Variants in ANKRD44 observed in about 807,000 individuals in gnomAD.
ANKRD44 encodes ankyrin repeat domain 44.
A neutral mutation model predicts 116.0 loss-of-function variants in ANKRD44; 35 were observed. The observed-to-expected ratio is 0.30, with a 90% CI of 0.23 to 0.40. ANKRD44 has a LOEUF of 0.40. Ranked by LOEUF, ANKRD44 falls within the 10% of genes least tolerant of loss-of-function variation. ANKRD44 has a pLI of 1.00. For missense variants in ANKRD44, 1,014 were observed against 1,242.6 expected, an observed-to-expected ratio of 0.82 and a Z score of 2.77; for synonymous variants, 435 against 461.8, an observed-to-expected ratio of 0.94 and a Z score of 0.74.
At chr2:197,092,267 C>A (rs562041392) in intron 10 of ANKRD44, among the ~76,000 whole-genome samples, 1 of 152,328 alleles carries the variant, frequency 6.6e-6, no homozygotes, top group East Asian at 1.9e-4. Context: ...TCTGTTTACA[C>A]CCTACAGCAT....
At chr2:197,238,674 G>T (rs1478842931) in intron 1 of ANKRD44, among the ~76,000 whole-genome samples, 2 of 151,908 alleles carry the variant, frequency 1.3e-5, no homozygotes, top group Non-Finnish European at 2.9e-5. Context: ...GTGCTCGATG[G>T]TGATAAGGAC....
At chr2:197,196,851 C>T (rs1033988497) in intron 1 of ANKRD44, among the ~76,000 whole-genome samples, 7 of 152,158 alleles carry the variant, frequency 4.6e-5, no homozygotes, top group African/African-American at 1.7e-4. Context: ...TCTTTGAATT[C>T]CACGTGCATT....
chr2:197,205,766 T>C (rs966792317), intron 1 of ANKRD44, among the ~76,000 whole-genome samples: 3 of 151,778 alleles, frequency 2.0e-5, no homozygotes, highest in African/African-American at 7.3e-5. Flanking sequence ...AGCAACAGGG[T>C]CATATGGGAG....
At chr2:197,189,251 C>T (rs1337454756) in intron 1 of ANKRD44, among the ~76,000 whole-genome samples, 1 of 152,188 alleles carries the variant, frequency 6.6e-6, no homozygotes, top group African/African-American at 2.4e-5. Flanking sequence ...TGGGTTTCTC[C>T]TCTGCCATAA....
At chr2:197,270,010 C>T (rs538683342) in intron 1 of ANKRD44, among the ~76,000 whole-genome samples, 1 of 152,318 alleles carries the variant, frequency 6.6e-6, no homozygotes, top group Non-Finnish European at 1.5e-5. Flanking sequence ...GTCCCACACA[C>T]TGCAGGACAT....
chr2:197,252,492 C>T (rs1559187842), intron 1 of ANKRD44, among the ~76,000 whole-genome samples: 2 of 152,212 alleles, frequency 1.3e-5, no homozygotes. Flanking sequence ...CTGCAAGCTC[C>T]GCCTCCCGGG....
At chr2:197,216,129 C>T (rs953652222) in intron 1 of ANKRD44, among the ~76,000 whole-genome samples, 1 of 152,174 alleles carries the variant, frequency 6.6e-6, no homozygotes, top group African/African-American at 2.4e-5. Flanking sequence ...CTTCTGGAGG[C>T]TTGTGAGGAT....
intron 17 of ANKRD44, among the ~76,000 whole-genome samples, chr2:197,018,090 T>A (rs1398311547): frequency 6.6e-6 from 1 of 152,194 alleles, no homozygotes; most frequent in Non-Finnish European, 1.5e-5. Flanking sequence ...TCTGTCTTCT[T>A]CTCACCGCAT....
In ANKRD44 at chr2:197,084,602, C is replaced by A. The variant is rs534102973; in HGVS notation, c.1317-1093G>T. Reference sequence around the variant, plus strand: ...ATGTGCAAGCTGGCCTAAATCACATCCCCTCTCTGGGTCTTGACTTCTTCA... The same window carrying A: ...ATGTGCAAGCTGGCCTAAATCACATACCCTCTCTGGGTCTTGACTTCTTCA... On this transcript the variant is annotated intron_variant, in intron 13 of 27. Coordinates refer to ENST00000282272, the MANE Select transcript of ANKRD44 (RefSeq NM_001195144.2). Among the ~76,000 whole-genome samples the A allele has an allele frequency of 3.7e-4, 56 of 152,252 alleles. No homozygotes were observed. In the South Asian group the frequency reaches 0.011, roughly 29 times the overall value.
intron 2 of ANKRD44, among the ~76,000 whole-genome samples, chr2:197,159,214 A>G (rs1339908540): frequency 6.6e-6 from 1 of 152,182 alleles, no homozygotes; most frequent in Non-Finnish European, 1.5e-5. Context: ...TTTAACAGAA[A>G]TGATTAGTAG....
At chr2:197,127,529 A>G (rs564777033) in intron 4 of ANKRD44, among the ~76,000 whole-genome samples, 2 of 152,252 alleles carry the variant, frequency 1.3e-5, no homozygotes, top group South Asian at 4.1e-4. Flanking sequence ...CTCCTGTATC[A>G]CATATTGGCT....
intron 2 of ANKRD44, among the ~76,000 whole-genome samples, chr2:197,161,530 C>T (rs1424401776): frequency 6.6e-6 from 1 of 152,038 alleles, no homozygotes; most frequent in Admixed American, 6.5e-5. Context: ...AGAGTCTTCT[C>T]CTACAAAAAT....
chr2:197,263,068 C>A, intron 1 of ANKRD44: 2 of 417,296 alleles, frequency 4.8e-6, no homozygotes, highest in Admixed American at 3.4e-5. Flanking sequence ...GTCTTCCCTG[C>A]ACTGGGCCCA....
chr2:197,288,720 A>T (rs1264034711), intron 1 of ANKRD44, among the ~76,000 whole-genome samples: 1 of 152,206 alleles, frequency 6.6e-6, no homozygotes, highest in Non-Finnish European at 1.5e-5. Context: ...TTCAGCCGTA[A>T]AAAACAATGA....
At chr2:197,255,375 G>C (rs1055312900) in intron 1 of ANKRD44, among the ~76,000 whole-genome samples, 4 of 152,166 alleles carry the variant, frequency 2.6e-5, no homozygotes, top group African/African-American at 9.7e-5. Context: ...ACAAAAAAAG[G>C]CAGGCACAAT....
chr2:197,172,317 A>G (rs1282956929), intron 2 of ANKRD44, among the ~76,000 whole-genome samples: 1 of 151,832 alleles, frequency 6.6e-6, no homozygotes, highest in Admixed American at 6.6e-5. Context: ...ATTATTCTTA[A>G]TAGCTTGAAG....
rs13384811 is a variant in ANKRD44 at position 197,273,998 on chromosome 2, T to G, written c.27+36580A>C. The stretch of plus-strand genomic sequence containing the variant: ...AAAAAAAAATATATATATATATATA[T>G]ATATATATATATATATATATATATA... On this transcript the variant is annotated intron_variant, in intron 1 of 27. Coordinates refer to ENST00000282272, the MANE Select transcript of ANKRD44 (RefSeq NM_001195144.2). 1.6e-4 allele frequency among the ~76,000 whole-genome samples: 4 copies of G among 24,278 alleles called. No individual in the cohort carries two copies. In the South Asian group the frequency reaches 4.9e-3, roughly 30 times the overall value. 15.9% of individuals were successfully genotyped at this position (24,278 alleles called of 152,430 possible).
chr2:197,039,256 C>T (rs2076863281), intron 16 of ANKRD44, among the ~76,000 whole-genome samples: 1 of 152,272 alleles, frequency 6.6e-6, no homozygotes, highest in South Asian at 2.1e-4. Flanking sequence ...GGAAAAGGTG[C>T]CAGAGAAAAT....
chr2:197,255,254 T>C (rs1203070166), intron 1 of ANKRD44, among the ~76,000 whole-genome samples: 1 of 152,162 alleles, frequency 6.6e-6, no homozygotes, highest in Non-Finnish European at 1.5e-5. Context: ...CAGAGCCCTG[T>C]CTATGGGGTT....
Sources: allele counts gnomAD v4.1 joint callset (sites outside exome capture counted in the v4.1 genomes callset), GRCh38; gene constraint gnomAD v4.1.1; transcripts MANE v1.5; gene names NCBI Gene and HGNC (gene_info 2026-07-23, HGNC 2026-07-21).